Variants in PARD3 observed in about 807,000 individuals in gnomAD.
PARD3 encodes par-3 family cell polarity regulator, also known as partitioning defective 3 homolog.
Under a neutral mutation model 155.4 loss-of-function variants are expected in PARD3, and 75 were observed. The observed-to-expected ratio is 0.48, with a 90% CI of 0.40 to 0.58. PARD3 has a LOEUF of 0.58. PARD3 is among the 20% of genes least tolerant of loss of function. The pLI is 0.00. For missense variants in PARD3, 1,642 were observed against 1,721.7 expected (o/e 0.95, Z 0.82); for synonymous variants, 576 against 610.5 (o/e 0.94, Z 0.83).
intron 5 of PARD3, among the ~76,000 whole-genome samples, chr10:34,411,919 C>CGTGTGTGTGT (rs61517279): frequency 6.8e-4 from 96 of 141,178 alleles, no homozygotes; most frequent in Non-Finnish European, 4.9e-4. Flanking sequence ...ATAAGCTAGT[C>CGTGTGTGTGT]GTGTGTGTGT....
At position 34,562,239 on chromosome 10, in the gene PARD3, C is replaced by T. The variant is rs2085551280; in HGVS notation, c.223-45080G>A. Among the ~76,000 whole-genome samples, 3 of 150,222 alleles carry T rather than the reference C, an allele frequency of 2.0e-5. No homozygotes were observed. In the South Asian group the frequency reaches 6.3e-4, roughly 32 times the overall value. On this transcript the variant is annotated intron_variant, in intron 2 of 24. Coordinates refer to ENST00000374788, the MANE Select transcript of PARD3 (RefSeq NM_001184785.2). ...ATTACCTGAAGTCAGGAGTTTGAGA[C>T]CAGCCTGGTCAACATGGTGAAACCC...
chr10:34,815,066 G>A lies in PARD3; in HGVS notation c.-71C>T. On this transcript the variant is annotated 5_prime_UTR_variant, in exon 1 of 25. Coordinates refer to ENST00000374788, the MANE Select transcript of PARD3 (RefSeq NM_001184785.2). ...CGGAGCAGCCGAGGCCGGGACCGAG[G>A]ACGCTGGGCGCGGAGGAGCCGCTGG... 1.8e-6 allele frequency: 2 copies of A among 1,113,566 alleles called. No individual in the cohort carries two copies. Among genetic ancestry groups the A allele is most frequent in the Non-Finnish European group, 2.2e-6 (2 of 895,646 alleles). The allele number at this position is 1,113,566 out of a possible 1,614,324, so 69.0% of individuals were successfully genotyped here.
intron 14 of PARD3, among the ~76,000 whole-genome samples, chr10:34,355,772 C>G (rs912024579): frequency 6.6e-6 from 1 of 151,502 alleles, no homozygotes; most frequent in African/African-American, 2.4e-5. Context: ...ACCAAAAATA[C>G]AAAAAATTAG....
intron 20 of PARD3, among the ~76,000 whole-genome samples, chr10:34,287,885 C>T (rs954138118): frequency 6.6e-5 from 10 of 152,140 alleles, no homozygotes; most frequent in African/African-American, 2.2e-4. Context: ...AAATGTATTA[C>T]CAAACTGTTA....
intron 5 of PARD3, among the ~76,000 whole-genome samples, chr10:34,407,740 G>C (rs966936061): frequency 2.0e-5 from 3 of 151,344 alleles, no homozygotes; most frequent in Admixed American, 2.0e-4. Context: ...GACTGAGACA[G>C]GGGGATCACT....
chr10:34,632,506 A>G (rs1475370312), intron 2 of PARD3, among the ~76,000 whole-genome samples: 1 of 152,252 alleles, frequency 6.6e-6, no homozygotes, highest in East Asian at 1.9e-4. Flanking sequence ...AAGACAGACC[A>G]GAGAAGAACA....
chr10:34,696,876 T>G (rs1034673385), intron 1 of PARD3, among the ~76,000 whole-genome samples: 1 of 152,022 alleles, frequency 6.6e-6, no homozygotes, highest in African/African-American at 2.4e-5. Context: ...CACACCCTGG[T>G]GGCTCCAAGT....
chr10:34,217,874 A>G (rs1952080595), intron 22 of PARD3, among the ~76,000 whole-genome samples: 1 of 152,188 alleles, frequency 6.6e-6, no homozygotes, highest in Admixed American at 6.5e-5. Flanking sequence ...AGGTACATAA[A>G]TAAGTAATGT....
chr10:34,351,009 T>C (rs1838018543), intron 14 of PARD3, among the ~76,000 whole-genome samples: 1 of 152,152 alleles, frequency 6.6e-6, no homozygotes, highest in Admixed American at 6.5e-5. Flanking sequence ...CCAAAGGAAA[T>C]AATAAGCTAA....
At chr10:34,624,721 G>T (rs923302433) in intron 2 of PARD3, among the ~76,000 whole-genome samples, 1 of 152,192 alleles carries the variant, frequency 6.6e-6, no homozygotes. Context: ...CCTCTGCAAC[G>T]CAGATCCCCA....
chr10:34,721,292 T>G (rs570943631), intron 1 of PARD3, among the ~76,000 whole-genome samples: 97 of 152,294 alleles, frequency 6.4e-4, no homozygotes, highest in African/African-American at 2.3e-3. Flanking sequence ...AATATTCAAA[T>G]TAAGTTATTT....
intron 2 of PARD3, among the ~76,000 whole-genome samples, chr10:34,637,056 A>G (rs1754086861): frequency 6.6e-6 from 1 of 152,190 alleles, no homozygotes; most frequent in African/African-American, 2.4e-5. Flanking sequence ...ATAAAAACAA[A>G]TCTGAAAGTA....
intron 2 of PARD3, among the ~76,000 whole-genome samples, chr10:34,579,836 G>A (rs935590639): frequency 2.0e-5 from 3 of 150,104 alleles, no homozygotes; most frequent in Non-Finnish European, 3.0e-5. Context: ...TCCAACTCCT[G>A]ACCTTGTGAT....
intron 22 of PARD3, among the ~76,000 whole-genome samples, chr10:34,163,173 T>G (rs1289453657): frequency 2.0e-5 from 3 of 152,154 alleles, no homozygotes; most frequent in Non-Finnish European, 2.9e-5. Context: ...TGGCCACCAC[T>G]CCTGGGAGGG....
At chr10:34,300,040 T>C (rs1278433589) in intron 20 of PARD3, among the ~76,000 whole-genome samples, 1 of 152,168 alleles carries the variant, frequency 6.6e-6, no homozygotes, top group Non-Finnish European at 1.5e-5. Flanking sequence ...GAGTACATCA[T>C]ACACAGAGTG....
intron 11 of PARD3, among the ~76,000 whole-genome samples, chr10:34,373,679 TA>T (rs1241429386): frequency 2.6e-5 from 4 of 152,080 alleles, no homozygotes; most frequent in African/African-American, 9.6e-5. Flanking sequence ...TTTTTAAATA[TA>T]AAGAAGTTTT....
At position 34,603,969 on chromosome 10, in the gene PARD3, G is replaced by A. The variant is rs184381557; in HGVS notation, c.223-86810C>T. Among the ~76,000 whole-genome samples the A allele has an allele frequency of 3.6e-4, 55 of 152,188 alleles. No homozygotes were observed. The East Asian group carries it at 0.01, about 28-fold the overall frequency. The stretch of plus-strand genomic sequence containing the variant: ...CGGTCAAAGGTGTCTTCAGTCCCAG[G>A]TGCGTCCAGGAACAAGAAATTTAAA... On this transcript the variant is annotated intron_variant, in intron 2 of 24. Coordinates refer to ENST00000374788, the MANE Select transcript of PARD3 (RefSeq NM_001184785.2).
At chr10:34,658,171 A>G (rs1307063602) in intron 2 of PARD3, among the ~76,000 whole-genome samples, 3 of 151,986 alleles carry the variant, frequency 2.0e-5, no homozygotes, top group African/African-American at 4.8e-5. Context: ...AATCCACAAC[A>G]TAAGTGGATT....
intron 16 of PARD3, 113 bp from the exon 17 acceptor site, chr10:34,337,539 G>C: frequency 2.1e-6 from 1 of 479,774 alleles, no homozygotes; most frequent in Non-Finnish European, 3.4e-6. Context: ...TATTCCTCAA[G>C]AAAAATTCAA....
Sources: allele counts gnomAD v4.1 joint callset (sites outside exome capture counted in the v4.1 genomes callset), GRCh38; gene constraint gnomAD v4.1.1; transcripts MANE v1.5; gene names NCBI Gene and HGNC (gene_info 2026-07-23, HGNC 2026-07-21).